ABCA4: variants seen among roughly 807,000 people sequenced by gnomAD.
ABCA4 encodes the protein ATP binding cassette subfamily A member 4.
Under a neutral mutation model 263.7 loss-of-function variants are expected in ABCA4, and 196 were observed. The observed-to-expected ratio is 0.74, with a 90% CI of 0.66 to 0.84. ABCA4 has a LOEUF of 0.84. ABCA4 is among the 40% of genes least tolerant of loss of function. ABCA4 has a pLI of 0.00. For synonymous variants in ABCA4, 1,133 were observed against 1,094.2 expected, an observed-to-expected ratio of 1.04 and a Z score of -0.70; for missense variants, 2,792 against 2,855.1, an observed-to-expected ratio of 0.98 and a Z score of 0.50.
At chr1:94,114,573 G>T (rs1662700978) in intron 1 of ABCA4, among the ~76,000 whole-genome samples, 2 of 151,970 alleles carry the variant, frequency 1.3e-5, no homozygotes, top group Non-Finnish European at 2.9e-5. Context: ...TGCAAGCTCT[G>T]CCTCCCAGGT....
chr1:94,067,207 C>T (rs957208614), intron 11 of ABCA4, among the ~76,000 whole-genome samples: 3 of 145,698 alleles, frequency 2.1e-5, no homozygotes, highest in African/African-American at 7.5e-5. Context: ...GTGCTAATGA[C>T]AGTATACCTC....
At chr1:94,060,941 G>A (rs1013456076) in intron 13 of ABCA4, among the ~76,000 whole-genome samples, 182 bp from the exon 14 acceptor site, 1 of 152,226 alleles carries the variant, frequency 6.6e-6, no homozygotes, top group Non-Finnish European at 1.5e-5. Flanking sequence ...TAGCCCTGAA[G>A]CATTATTTTT....
At chr1:94,019,019 G>GTTT (rs757258025) in intron 36 of ABCA4, among the ~76,000 whole-genome samples, 10 of 76,434 alleles carry the variant, frequency 1.3e-4, no homozygotes, top group East Asian at 4.1e-4. Context: ...AAACAACCAG[G>GTTT]TTTTTTTTTT....
intron 40 of ABCA4, among the ~76,000 whole-genome samples, chr1:94,009,578 T>A (rs1659491226): frequency 6.6e-6 from 1 of 152,190 alleles, no homozygotes; most frequent in South Asian, 2.1e-4. Context: ...AGCCTCCGCA[T>A]GTGTTTCCAG....
intron 30 of ABCA4, among the ~76,000 whole-genome samples, chr1:94,025,937 GA>G (rs372743998): frequency 3.3e-5 from 5 of 152,308 alleles, no homozygotes; most frequent in Non-Finnish European, 7.4e-5. Flanking sequence ...TGACATTAAT[GA>G]AAGAATTTGA....
At chr1:94,013,345 A>G (rs1040718586) in intron 38 of ABCA4, among the ~76,000 whole-genome samples, 2 of 152,192 alleles carry the variant, frequency 1.3e-5, no homozygotes, top group African/African-American at 4.8e-5. Flanking sequence ...AGTCAGTCTC[A>G]GGGGTCCACG....
At chr1:94,001,410 G>T (rs1659178571) in intron 45 of ABCA4, 2 of 517,172 alleles carry the variant, frequency 3.9e-6, no homozygotes, top group South Asian at 2.0e-5. Context: ...TTGTCAGAAG[G>T]CAGGGAGGTC....
chr1:94,033,578 G>A (rs899007710), intron 26 of ABCA4, among the ~76,000 whole-genome samples: 5 of 152,142 alleles, frequency 3.3e-5, no homozygotes, highest in African/African-American at 4.8e-5. Context: ...CTCATTTGCT[G>A]AACAACTATT....
chr1:94,052,022 A>G (rs1472249487), intron 16 of ABCA4, among the ~76,000 whole-genome samples: 2 of 152,212 alleles, frequency 1.3e-5, no homozygotes, highest in African/African-American at 4.8e-5. Flanking sequence ...AATGGTGATC[A>G]TCACTAAGAT....
rs2101104227 is a variant in ABCA4, at chr1:94,079,305, C to T, written c.1239+17G>A. ...GGAGGTCCAGGGTACACAAGGCAAG[C>T]CCAGCTGGGATCTTACATTCTTCAG... On this transcript the variant is annotated intron_variant, in intron 9 of 49. Coordinates refer to ENST00000370225, the MANE Select transcript of ABCA4 (RefSeq NM_000350.3). 6.2e-7 allele frequency: 1 copy of T among 1,614,064 alleles called. No individual in the cohort carries two copies. The highest frequency in any genetic ancestry group is 8.5e-7 in the Non-Finnish European group (1 of 1,180,000).
chr1:94,046,774 T>C (rs1660696501), intron 19 of ABCA4, 145 bp downstream of exon 19: 1 of 955,722 alleles, frequency 1.0e-6, no homozygotes, highest in South Asian at 1.5e-5. Flanking sequence ...CTTTGAATAC[T>C]GCAGAAAGCT....
At chr1:94,051,483 G>T in intron 17 of ABCA4, 150 bp downstream of exon 17, 1 of 727,390 alleles carries the variant, frequency 1.4e-6, no homozygotes. Context: ...ACGCTGCAAT[G>T]CCCATCAAGG....
chr1:94,042,746 A>G lies in ABCA4; in HGVS notation c.3328+15T>C. Reference sequence around the variant, plus strand: ...AGTGAGAGCCCAGCCCAGGAGACTGAGCAGCAGCTGTTACCTGAGCGATAC... The same window carrying G: ...AGTGAGAGCCCAGCCCAGGAGACTGGGCAGCAGCTGTTACCTGAGCGATAC... On this transcript the variant is annotated intron_variant, in intron 22 of 49. Coordinates refer to ENST00000370225, the MANE Select transcript of ABCA4 (RefSeq NM_000350.3). 6.2e-7 allele frequency: 1 copy of G among 1,614,184 alleles called. No individual in the cohort carries two copies. Among genetic ancestry groups the G allele is most frequent in the Non-Finnish European group, 8.5e-7 (1 of 1,180,020 alleles).
intron 5 of ABCA4, among the ~76,000 whole-genome samples, chr1:94,101,679 G>C (rs919926826): frequency 7.9e-5 from 12 of 152,210 alleles, no homozygotes; most frequent in Middle Eastern, 3.2e-3. Context: ...CTGGAGTCTG[G>C]AGGAGGATCA....
rs1662329216 is a variant in ABCA4, at chr1:94,103,109, T to C, written c.476A>G (p.Asp159Gly). Reference sequence around the variant, plus strand: ...GAGAAATAGTGTCAGTGTTTCTTCATCTTTCAAGATATCCCTTATTCGTAT... The same window carrying C: ...GAGAAATAGTGTCAGTGTTTCTTCACCTTTCAAGATATCCCTTATTCGTAT... ...RGIRIRDILK[D>G]EETLTLFLIK... The change falls in exon 5 of 50, where the codon GAT (aspartate) becomes GGT (glycine). Residue 159 changes from aspartate (D) to glycine (G), a missense_variant. Asp to Gly is a moderately conservative substitution (Grantham distance 94, BLOSUM62 -1). Coordinates refer to ENST00000370225, the MANE Select transcript of ABCA4 (RefSeq NM_000350.3). 1.2e-6 allele frequency: 2 copies of C among 1,614,004 alleles called. No homozygotes were observed. The highest frequency in any genetic ancestry group is 1.7e-6 in the Non-Finnish European group (2 of 1,180,002).
chr1:94,022,058 G>T, intron 32 of ABCA4, 107 bp from the exon 33 acceptor site: 1 of 915,256 alleles, frequency 1.1e-6, no homozygotes, highest in Non-Finnish European at 1.8e-6. Flanking sequence ...GAATTGCCTG[G>T]ACCAGCGAGC....
chr1:94,055,229 G>A lies in ABCA4; in HGVS notation c.2469C>T (p.Asn823=), dbSNP rs927791164. The A allele has an allele frequency of 1.9e-6, 3 of 1,614,168 alleles. No individual in the cohort carries two copies. Among genetic ancestry groups the A allele is most frequent in the Admixed American group, 3.3e-5 (2 of 60,018 alleles). ...CCCCTTCCGTGGGACTGTTCCCGAT[G>A]TTGCTCCACTGCAGCCCCAGGCCTT... is the stretch of plus-strand genomic sequence containing the variant. ...EEQGLGLQWS[N]IGNSPTEGDE... The change falls in exon 16 of 50, where the codon AAC becomes AAT. Residue 823 remains asparagine, a synonymous_variant. Coordinates refer to ENST00000370225, the MANE Select transcript of ABCA4 (RefSeq NM_000350.3).
At chr1:94,044,033 G>A (rs1177536961) in intron 20 of ABCA4, among the ~76,000 whole-genome samples, 1 of 138,636 alleles carries the variant, frequency 7.2e-6, no homozygotes, top group Non-Finnish European at 1.6e-5. Flanking sequence ...CCTCCCTCCT[G>A]TTCCCTTCCT....
At chr1:94,057,650 A>G (rs1433490228) in intron 14 of ABCA4, among the ~76,000 whole-genome samples, 1 of 152,224 alleles carries the variant, frequency 6.6e-6, no homozygotes, top group Non-Finnish European at 1.5e-5. Flanking sequence ...ACACAAATAT[A>G]TTTCCTAGAA....
Sources: gnomAD v4.1 joint callset for allele counts (sites outside exome capture counted in the v4.1 genomes callset) on GRCh38, gnomAD v4.1.1 for gene constraint, MANE v1.5 for transcripts, NCBI Gene and HGNC (gene_info 2026-07-23, HGNC 2026-07-21) for gene names.